COL25A1: variants seen among roughly 807,000 people sequenced by gnomAD.
COL25A1 encodes collagen type XXV alpha 1 chain.
Under a neutral mutation model 128.4 loss-of-function variants are expected in COL25A1, and 103 were observed. That is an observed-to-expected ratio of 0.80 (90% CI 0.68 to 0.94). The LOEUF is 0.94. Among genes scored for constraint, COL25A1 ranks in the 40% least tolerant of loss-of-function variants. COL25A1 has a pLI of 0.00. For missense variants in COL25A1, 745 were observed against 840.0 expected (o/e 0.89, Z 1.40); for synonymous variants, 279 against 277.2 (o/e 1.01, Z -0.06).
intron 19 of COL25A1, among the ~76,000 whole-genome samples, chr4:108,876,186 T>G (rs1739423206): frequency 1.3e-5 from 2 of 150,634 alleles, no homozygotes; most frequent in African/African-American, 4.9e-5. Context: ...GGTATGCACA[T>G]GTACCCTAGA....
chr4:109,167,986 C>A (rs1773236259), intron 3 of COL25A1, among the ~76,000 whole-genome samples: 1 of 152,092 alleles, frequency 6.6e-6, no homozygotes, highest in African/African-American at 2.4e-5. Context: ...GTAACCCAAT[C>A]AATTTGGGTA....
intron 3 of COL25A1, among the ~76,000 whole-genome samples, chr4:109,223,404 C>CA (rs1252593807): frequency 6.6e-6 from 1 of 151,932 alleles, no homozygotes; most frequent in Non-Finnish European, 1.5e-5. Flanking sequence ...CATTTCCCCC[C>CA]CCCAAAAAAA....
At chr4:109,179,028 G>A (rs147080462) in intron 3 of COL25A1, among the ~76,000 whole-genome samples, 27 of 151,428 alleles carry the variant, frequency 1.8e-4, no homozygotes, top group African/African-American at 6.3e-4. Context: ...TGTTAGACTA[G>A]CATTTTTAAA....
At chr4:108,975,404 T>G (rs1037041519) in intron 6 of COL25A1, among the ~76,000 whole-genome samples, 6 of 152,152 alleles carry the variant, frequency 3.9e-5, no homozygotes, top group Admixed American at 6.5e-5. Context: ...TGAGGTGAGC[T>G]GAGATTGTGC....
At chr4:108,824,005 C>G (rs959365103) in intron 35 of COL25A1, 169 bp downstream of exon 35, 30 of 1,589,726 alleles carry the variant, frequency 1.9e-5, no homozygotes, top group African/African-American at 6.8e-5. Flanking sequence ...GGCAGTACAG[C>G]CTTCTTCATT....
chr4:108,982,149 G>C (rs559694789), intron 6 of COL25A1, among the ~76,000 whole-genome samples: 3 of 152,284 alleles, frequency 2.0e-5, no homozygotes, highest in Admixed American at 2.0e-4. Context: ...AGCTGAGATC[G>C]TGCCACTGCA....
chr4:108,887,381 A>C (rs1164240446), intron 18 of COL25A1, among the ~76,000 whole-genome samples: 1 of 152,174 alleles, frequency 6.6e-6, no homozygotes, highest in Non-Finnish European at 1.5e-5. Flanking sequence ...TTATTTTTCT[A>C]ATCTACATCA....
intron 8 of COL25A1, among the ~76,000 whole-genome samples, chr4:108,969,005 A>C (rs1170269187): frequency 2.0e-5 from 3 of 152,112 alleles, no homozygotes; most frequent in African/African-American, 4.8e-5. Flanking sequence ...CTTTTTAAAA[A>C]AACTTTAACC....
chr4:108,838,646 G>A lies in COL25A1; in HGVS notation c.1656+3049C>T, dbSNP rs540619003. On this transcript the variant is annotated intron_variant, in intron 31 of 37. Transcript: ENST00000399132. ...TTGCCCAAGGGAATGAACTAAAAAC[G>A]TAGCAGCTGATGTTTGAAGTAATGC... 4.2e-4 allele frequency among the ~76,000 whole-genome samples: 64 copies of A among 152,266 alleles called. No individual in the cohort carries two copies. The Middle Eastern group carries it at 0.027, about 65-fold the overall frequency.
At chr4:109,178,562 C>T (rs988785223) in intron 3 of COL25A1, among the ~76,000 whole-genome samples, 9 of 152,116 alleles carry the variant, frequency 5.9e-5, no homozygotes, top group South Asian at 2.1e-4. Context: ...CGGTGGCTCA[C>T]GCCTGTAATC....
At chr4:108,935,180 T>C (rs1186823233) in intron 11 of COL25A1, among the ~76,000 whole-genome samples, 1 of 152,156 alleles carries the variant, frequency 6.6e-6, no homozygotes, top group East Asian at 1.9e-4. Context: ...AGGTAGATGA[T>C]CTCACAAATA....
intron 5 of COL25A1, among the ~76,000 whole-genome samples, chr4:109,044,498 T>C (rs2125932943): frequency 6.6e-6 from 1 of 152,276 alleles, no homozygotes; most frequent in African/African-American, 2.4e-5. Context: ...TGTCCAAATG[T>C]CTCTTGCACT....
At chr4:109,073,419 C>A (rs1220755752) in intron 3 of COL25A1, among the ~76,000 whole-genome samples, 1 of 152,192 alleles carries the variant, frequency 6.6e-6, no homozygotes, top group Admixed American at 6.5e-5. Flanking sequence ...TCATGTTCAT[C>A]CTTTGAGCTG....
At chr4:109,104,594 CT>C (rs34149309) in intron 3 of COL25A1, among the ~76,000 whole-genome samples, 35,379 of 151,724 alleles carry the variant, frequency 0.23, 5,358 homozygotes, top group African/African-American at 0.41. Flanking sequence ...GCCTCTAACT[CT>C]TAACTACCAA....
intron 3 of COL25A1, among the ~76,000 whole-genome samples, chr4:109,242,046 C>G (rs955018621): frequency 2.6e-5 from 4 of 151,874 alleles, no homozygotes; most frequent in Admixed American, 6.6e-5. Context: ...GGCCCTGGGT[C>G]TGGAATATTA....
In COL25A1 at chr4:108,986,660, C is replaced by T. The variant is rs192435364; in HGVS notation, c.439-12101G>A. ...GAAGACCACTATAGAATAAGAAAGACTGAAGAGTTTTAATAATTAAATGCC... is the reference window on the plus strand; with the variant it reads ...GAAGACCACTATAGAATAAGAAAGATTGAAGAGTTTTAATAATTAAATGCC... On this transcript the variant is annotated intron_variant, in intron 6 of 37. Coordinates refer to ENST00000399132, the MANE Select transcript of COL25A1 (RefSeq NM_198721.4). Among the ~76,000 whole-genome samples the T allele has an allele frequency of 2.1e-3, 320 of 152,262 alleles. 1 individual carries two copies. The highest frequency in any genetic ancestry group is 7.1e-3 in the African/African-American group (296 of 41,562).
chr4:109,175,022 C>T (rs1414746389), intron 3 of COL25A1, among the ~76,000 whole-genome samples: 1 of 152,186 alleles, frequency 6.6e-6, no homozygotes, highest in Non-Finnish European at 1.5e-5. Context: ...AAGAACCTAA[C>T]TAATGCCTGG....
chr4:108,838,734 A>G (rs1734088033), intron 31 of COL25A1, among the ~76,000 whole-genome samples: 1 of 152,204 alleles, frequency 6.6e-6, no homozygotes, highest in Non-Finnish European at 1.5e-5. Context: ...CTAATCAACA[A>G]ATCACCAATC....
intron 3 of COL25A1, among the ~76,000 whole-genome samples, chr4:109,113,939 T>G (rs1161649392): frequency 6.6e-6 from 1 of 151,944 alleles, no homozygotes; most frequent in African/African-American, 2.4e-5. Flanking sequence ...AAAAAACAAA[T>G]CTTAAAGAAT....
Sources: gnomAD v4.1 joint callset for allele counts (sites outside exome capture counted in the v4.1 genomes callset) on GRCh38, gnomAD v4.1.1 for gene constraint, MANE v1.5 for transcripts, NCBI Gene and HGNC (gene_info 2026-07-23, HGNC 2026-07-21) for gene names.